The following KIF13A variants were observed in gnomAD, a reference collection of about 807,000 sequenced individuals.
KIF13A encodes kinesin family member 13A, also known as kinesin-like protein KIF13A.
Under a neutral mutation model 212.2 loss-of-function variants are expected in KIF13A, and 79 were observed. That is an observed-to-expected ratio of 0.37 (90% CI 0.31 to 0.45). The LOEUF is 0.45. Among genes scored for constraint, KIF13A ranks in the 20% least tolerant of loss-of-function variants. The pLI is 1.00. For missense variants in KIF13A, 1,901 were observed against 2,209.0 expected (o/e 0.86, Z 2.79); for synonymous variants, 789 against 808.6 (o/e 0.98, Z 0.41).
Position 17,811,146 on chromosome 6 carries a change from G to C in KIF13A, c.2001-2216C>G, listed in dbSNP as rs1401361591. 6.6e-6 allele frequency among the ~76,000 whole-genome samples: 1 copy of C among 152,152 alleles called. No individual in the cohort carries two copies. Among genetic ancestry groups the C allele is most frequent in the African/African-American group, 2.4e-5 (1 of 41,424 alleles). On this transcript the variant is annotated intron_variant, in intron 17 of 38. Transcript: ENST00000259711. This position sits in a 1 kb window ranked among gnomAD's most constrained non-coding sequence, Gnocchi z 6.0. ...CAAACTCTACCTCTCAAATGCACTTGAAATCAATCCTTCTCCCTGAAAACC... is the reference window on the plus strand; with the variant it reads ...CAAACTCTACCTCTCAAATGCACTTCAAATCAATCCTTCTCCCTGAAAACC...
At chr6:17,802,614 C>T (rs948795113) in intron 20 of KIF13A, among the ~76,000 whole-genome samples, 11 of 151,580 alleles carry the variant, frequency 7.3e-5, no homozygotes, top group Non-Finnish European at 1.6e-4. Flanking sequence ...CTTTTTAATG[C>T]TTTTCGATAA....
rs139983055 is a variant in KIF13A at position 17,820,518 on chromosome 6, G to A, written c.1787-3285C>T. On this transcript the variant is annotated intron_variant, in intron 16 of 38. Coordinates refer to ENST00000259711, the MANE Select transcript of KIF13A (RefSeq NM_022113.6). ...AACAGACCATCCAAATCAGCAAGTCGATCTGACTCTATGATGTGGCCCAGG... is the reference window on the plus strand; with the variant it reads ...AACAGACCATCCAAATCAGCAAGTCAATCTGACTCTATGATGTGGCCCAGG... Among the ~76,000 whole-genome samples the A allele has an allele frequency of 6.6e-5, 10 of 152,230 alleles. No homozygotes were observed. The East Asian group carries it at 1.9e-3, about 29-fold the overall frequency.
rs1392050483 is a variant in KIF13A at position 17,918,768 on chromosome 6, G to T, written c.147-20588C>A. Among the ~76,000 whole-genome samples the T allele has an allele frequency of 6.6e-6, 1 of 152,122 alleles. No individual in the cohort carries two copies. Among genetic ancestry groups the T allele is most frequent in the Non-Finnish European group, 1.5e-5 (1 of 68,018 alleles). ...TGTTCCCCGTACTCCCTACATTAATGTTGAGGCTGCCTGCACCACCTCCAT... is the reference window on the plus strand; with the variant it reads ...TGTTCCCCGTACTCCCTACATTAATTTTGAGGCTGCCTGCACCACCTCCAT... On this transcript the variant is annotated intron_variant, in intron 2 of 38. Transcript: ENST00000259711. This position sits in a 1 kb window ranked among gnomAD's most constrained non-coding sequence, Gnocchi z 4.8.
intron 12 of KIF13A, among the ~76,000 whole-genome samples, chr6:17,833,414 T>C (rs560383190): frequency 6.7e-6 from 1 of 149,400 alleles, no homozygotes. Context: ...GAGAATCACT[T>C]GAGCCCAGGA....
Position 17,855,543 on chromosome 6 carries a change from A to G in KIF13A, c.388T>C (p.Phe130Leu), listed in dbSNP as rs1204658061. ...GLIPRLCCALFKRISLEQNES... is the reference protein window; with the variant it reads ...GLIPRLCCALLKRISLEQNES... ...TTTTGCTCCAAAGAGATCCTTTTAA[A>G]TAAAGCACAGCAGAGCCTTGGAATA... Residue 130 changes from phenylalanine (F) to leucine (L), a missense_variant, in exon 6 of 39, where the codon TTT becomes CTT. By Grantham distance (22) the Phe-to-Leu change is conservative (BLOSUM62 0). Coordinates refer to ENST00000259711, the MANE Select transcript of KIF13A (RefSeq NM_022113.6). The surrounding 1 kb of genome is among the most constrained non-coding windows in gnomAD (Gnocchi z 4.1). 2 of 1,613,876 alleles carry G rather than the reference A, an allele frequency of 1.2e-6. No homozygotes were observed. Among genetic ancestry groups the G allele is most frequent in the South Asian group, 1.1e-5 (1 of 91,082 alleles).
At chr6:17,792,861 AT>A (rs1761713360) in intron 25 of KIF13A, among the ~76,000 whole-genome samples, 1 of 152,234 alleles carries the variant, frequency 6.6e-6, no homozygotes, top group Non-Finnish European at 1.5e-5. Flanking sequence ...GGAAACTAAG[AT>A]AGAAGAGAAA....
At position 17,837,921 on chromosome 6, in the gene KIF13A, G is replaced by C. The variant is rs1766126283; in HGVS notation, c.831-338C>G. Among the ~76,000 whole-genome samples, 5 of 151,954 alleles carry C rather than the reference G, an allele frequency of 3.3e-5. No individual in the cohort carries two copies. The South Asian group carries it at 1.0e-3, about 32-fold the overall frequency. ...TGAGCCGAGACTGTGCCACTGCACT[G>C]CAGCCTGGGCGACAGAGTGAGACTC... is the stretch of plus-strand genomic sequence containing the variant. On this transcript the variant is annotated intron_variant, in intron 9 of 38. Coordinates refer to ENST00000259711, the MANE Select transcript of KIF13A (RefSeq NM_022113.6). This position sits in a 1 kb window ranked among gnomAD's most constrained non-coding sequence, Gnocchi z 5.4.
chr6:17,848,004 G>A (rs780265912), intron 9 of KIF13A, among the ~76,000 whole-genome samples: 18 of 151,732 alleles, frequency 1.2e-4, no homozygotes, highest in Non-Finnish European at 1.5e-4. Flanking sequence ...GTACAGAAGG[G>A]TTTCATCATA....
At chr6:17,958,695 A>G (rs1354158616) in intron 2 of KIF13A, among the ~76,000 whole-genome samples, 2 of 152,082 alleles carry the variant, frequency 1.3e-5, no homozygotes, top group African/African-American at 4.8e-5. Flanking sequence ...ATACAATGTG[A>G]TATTTCAATT....
intron 16 of KIF13A, among the ~76,000 whole-genome samples, chr6:17,822,919 G>A (rs1764591337): frequency 6.6e-6 from 1 of 152,204 alleles, no homozygotes; most frequent in Non-Finnish European, 1.5e-5. Context: ...ACCCTGCACT[G>A]CAGGGCCAAA....
intron 31 of KIF13A, among the ~76,000 whole-genome samples, chr6:17,780,315 G>A (rs1395986908): frequency 2.0e-5 from 3 of 152,212 alleles, no homozygotes; most frequent in Non-Finnish European, 4.4e-5. Flanking sequence ...GAACAACACT[G>A]GAGAGGATCA....
At chr6:17,901,774 T>C (rs980130194) in intron 2 of KIF13A, among the ~76,000 whole-genome samples, 1 of 152,092 alleles carries the variant, frequency 6.6e-6, no homozygotes, top group Non-Finnish European at 1.5e-5. Flanking sequence ...GGAAAACAAA[T>C]GAAATGAGAA....
intron 34 of KIF13A, 148 bp from the exon 35 acceptor site, chr6:17,775,210 T>C: frequency 1.7e-6 from 1 of 605,598 alleles, no homozygotes; most frequent in South Asian, 2.3e-5. Flanking sequence ...TAGTGACTAC[T>C]CTCAATTTGG....
chr6:17,962,364 G>A (rs1778893436), intron 2 of KIF13A, among the ~76,000 whole-genome samples: 1 of 152,038 alleles, frequency 6.6e-6, no homozygotes, highest in South Asian at 2.1e-4. Context: ...GGCTTGAAAT[G>A]TCCATAAAAG....
At chr6:17,859,406 C>G (rs1036959792) in intron 4 of KIF13A, among the ~76,000 whole-genome samples, 67 of 151,090 alleles carry the variant, frequency 4.4e-4, no homozygotes, top group African/African-American at 1.6e-3. Flanking sequence ...AGTTCAAGAC[C>G]AGCCTGGCCA....
intron 2 of KIF13A, among the ~76,000 whole-genome samples, chr6:17,977,291 T>C (rs998389759): frequency 6.6e-6 from 1 of 152,168 alleles, no homozygotes; most frequent in Non-Finnish European, 1.5e-5. Context: ...TCGTCTCTCA[T>C]ACTTAAATAT....
At chr6:17,779,908 CT>C (rs1162367090) in intron 31 of KIF13A, among the ~76,000 whole-genome samples, 60 of 145,192 alleles carry the variant, frequency 4.1e-4, no homozygotes, top group Middle Eastern at 3.6e-3. Flanking sequence ...ACCTGGCTAA[CT>C]TTTTTTTTTT....
intron 4 of KIF13A, among the ~76,000 whole-genome samples, chr6:17,861,667 C>G (rs1446538422): frequency 1.3e-5 from 2 of 152,136 alleles, no homozygotes; most frequent in Non-Finnish European, 2.9e-5. Context: ...GATAATTTTT[C>G]TTCTATTTAT....
rs1766729216 is a variant in KIF13A at position 17,843,592 on chromosome 6, A to G, written c.830+5785T>C. ...TGATAGAGCTATCCTGAGATCATGA[A>G]GATGACATGAACACACATTAAAGTT... On this transcript the variant is annotated intron_variant, in intron 9 of 38. Coordinates refer to ENST00000259711, the MANE Select transcript of KIF13A (RefSeq NM_022113.6). The surrounding 1 kb of genome is among the most constrained non-coding windows in gnomAD (Gnocchi z 5.3). 6.6e-6 allele frequency among the ~76,000 whole-genome samples: 1 copy of G among 152,230 alleles called. No individual in the cohort carries two copies. The highest frequency in any genetic ancestry group is 1.5e-5 in the Non-Finnish European group (1 of 68,038).
Sources: allele counts gnomAD v4.1 joint callset (sites outside exome capture counted in the v4.1 genomes callset), GRCh38; gene constraint gnomAD v4.1.1; non-coding constraint Gnocchi (gnomAD v3.1); transcripts MANE v1.5; gene names NCBI Gene and HGNC (gene_info 2026-07-23, HGNC 2026-07-21).